Variants in TOPBP1 observed in about 807,000 individuals in gnomAD.
TOPBP1 encodes the protein DNA topoisomerase 2-binding protein 1.
In TOPBP1, 28 loss-of-function variants were observed where a neutral mutation model predicts 167.7. That is an observed-to-expected ratio of 0.17 (90% confidence interval 0.12 to 0.23). The LOEUF (loss-of-function observed/expected upper bound fraction) is 0.23, where lower values mean the gene tolerates loss of function less well. TOPBP1 is among the 10% of genes least tolerant of loss of function. The pLI is 1.00. For synonymous variants in TOPBP1, 598 were observed against 611.4 expected (o/e 0.98, Z 0.32); for missense variants, 1,554 against 1,809.6 (o/e 0.86, Z 2.56).
Position 133,649,619 on chromosome 3 carries a change from C to T in TOPBP1, c.1268G>A (p.Gly423Glu). 1 of 1,613,584 alleles carries T rather than the reference C, an allele frequency of 6.2e-7. No individual in the cohort carries two copies. Among genetic ancestry groups the T allele is most frequent in the Non-Finnish European group, 8.5e-7 (1 of 1,179,806 alleles). Residue 423 changes from glycine to glutamate, a missense_variant, in exon 10 of 28, where the codon GGA becomes GAA. Around this residue, in one of 3 missense-constraint regions of TOPBP1, gnomAD observed 1,197 missense variants for 1,351.5 expected, o/e 0.89. Transcript: ENST00000260810. ...NKSAHRPHVV[G>E]AKWLLECFSK... is the part of the protein sequence containing the mutation. Reference sequence around the variant, plus strand: ...GAAACACTCTAGCAACCACTTTGCTCCCACTACATGAGGCCTACAAAAATA... The same window carrying T: ...GAAACACTCTAGCAACCACTTTGCTTCCACTACATGAGGCCTACAAAAATA...
intron 12 of TOPBP1, 136 bp from the exon 13 acceptor site, chr3:133,640,306 T>C: frequency 1.3e-6 from 1 of 748,544 alleles, no homozygotes; most frequent in Non-Finnish European, 2.1e-6. Context: ...GTTGGTTTAC[T>C]CTATCTGAAA....
At chr3:133,639,752 T>C (rs962848667) in intron 13 of TOPBP1, among the ~76,000 whole-genome samples, 8 of 152,130 alleles carry the variant, frequency 5.3e-5, no homozygotes, top group African/African-American at 1.4e-4. Flanking sequence ...GTTAATTATA[T>C]AGTGTGTTAC....
At chr3:133,602,273 G>A (rs1934331025) in intron 27 of TOPBP1, among the ~76,000 whole-genome samples, 1 of 152,172 alleles carries the variant, frequency 6.6e-6, no homozygotes, top group African/African-American at 2.4e-5. Context: ...AAAAAAACCT[G>A]TCAATCTATA....
intron 23 of TOPBP1, among the ~76,000 whole-genome samples, chr3:133,615,696 A>T (rs1934846489): frequency 6.6e-6 from 1 of 151,502 alleles, no homozygotes; most frequent in Non-Finnish European, 1.5e-5. Flanking sequence ...TACTTTATAT[A>T]AAAAAAAACT....
At chr3:133,631,175 T>TG (rs751005407) in intron 14 of TOPBP1, among the ~76,000 whole-genome samples, 2 of 152,142 alleles carry the variant, frequency 1.3e-5, no homozygotes, top group Non-Finnish European at 2.9e-5. Context: ...AGTGATAAAG[T>TG]GAGATCCTAT....
chr3:133,628,583 G>A lies in TOPBP1; in HGVS notation c.2671C>T (p.Leu891=), dbSNP rs1264327345. The change falls in exon 15 of 28, where the codon CTG becomes TTG. Residue 891 remains leucine (L), a synonymous_variant. Transcript: ENST00000260810. ...ACCTTCTCTGACTGGGCCTCTTTCA[G>A]TTGAGGGCTGGCAGAAAGAGCGACA... is the stretch of plus-strand genomic sequence containing the variant. ...NAVALSASPQ[L]KEAQSEKEEA... is the part of the protein sequence containing the mutation. 2 of 1,611,536 alleles carry A rather than the reference G, an allele frequency of 1.2e-6. No homozygotes were observed. The highest frequency in any genetic ancestry group is 8.5e-7 in the Non-Finnish European group (1 of 1,178,848).
rs571192520 is a variant in TOPBP1 at position 133,604,426 on chromosome 3, C to T, written c.4426-3033G>A. On this transcript the variant is annotated intron_variant, in intron 27 of 27. Coordinates refer to ENST00000260810, the MANE Select transcript of TOPBP1 (RefSeq NM_007027.4). ...TGTTGAGATTACAGGCGTGTGCTAC[C>T]GTGCCCAGCCAGGAATAAACTTATT... Among the ~76,000 whole-genome samples the T allele has an allele frequency of 9.2e-5, 14 of 151,676 alleles. No homozygotes were observed. The Middle Eastern group carries it at 0.01, about 112-fold the overall frequency.
intron 14 of TOPBP1, among the ~76,000 whole-genome samples, chr3:133,629,980 G>A (rs1297624604): frequency 1.3e-5 from 2 of 151,936 alleles, no homozygotes; most frequent in Non-Finnish European, 2.9e-5. Flanking sequence ...TAGAGACAGG[G>A]TTTCACCATG....
chr3:133,652,244 A>G (rs1559831750), intron 8 of TOPBP1, among the ~76,000 whole-genome samples: 1 of 152,230 alleles, frequency 6.6e-6, no homozygotes, highest in Non-Finnish European at 1.5e-5. Context: ...TTAAAACCTG[A>G]AATGAACTTT....
At chr3:133,620,492 C>T (rs536034283) in intron 19 of TOPBP1, 145 bp from the exon 20 acceptor site, 39 of 790,214 alleles carry the variant, frequency 4.9e-5, no homozygotes, top group Admixed American at 2.1e-4. Flanking sequence ...TAGTAATGTA[C>T]TAAAACTATG....
chr3:133,653,346 A>G lies in TOPBP1; in HGVS notation c.921T>C (p.Asp307=), dbSNP rs780113738. Residue 307 remains aspartate, a splice_region_variant and synonymous_variant, in exon 7 of 28, where the codon GAT becomes GAC. Transcript: ENST00000260810. The part of the protein sequence containing the change: ...STPTSQINTI[D]SRTLSDVSNI... ...TATTTTAATCTCAATGAGACTCACTATCAATTGTGTTGATCTGGCTGGTAG... is the reference window on the plus strand; with the variant it reads ...TATTTTAATCTCAATGAGACTCACTGTCAATTGTGTTGATCTGGCTGGTAG... 16 of 1,590,496 alleles carry G rather than the reference A, an allele frequency of 1.0e-5. No homozygotes were observed. Among genetic ancestry groups the G allele is most frequent in the African/African-American group, 1.4e-5 (1 of 73,440 alleles).
Position 133,608,545 on chromosome 3 carries a change from T to C in TOPBP1, c.4415A>G (p.Tyr1472Cys). ...TAGAATCTCACAAACCTGCATGAGA[T>C]AATCAGCAATGTATTCTGTTCTCAA... ...YCLRTEYIAD[Y>C]LMQESPPHVE... is the part of the protein sequence containing the mutation. The change falls in exon 27 of 28, where the codon TAT becomes TGT. Residue 1472 changes from tyrosine (Y) to cysteine (C), a missense_variant. Around this residue, in one of 3 missense-constraint regions of TOPBP1, gnomAD observed 351 missense variants for 432.9 expected, o/e 0.81. Transcript: ENST00000260810. 9.3e-6 allele frequency: 15 copies of C among 1,613,604 alleles called. No individual in the cohort carries two copies. The highest frequency in any genetic ancestry group is 1.3e-5 in the Non-Finnish European group (15 of 1,179,664).
intron 16 of TOPBP1, among the ~76,000 whole-genome samples, chr3:133,626,319 T>C (rs1030852774): frequency 3.3e-5 from 5 of 152,062 alleles, no homozygotes; most frequent in Non-Finnish European, 5.9e-5. Context: ...TTTGTGAGGG[T>C]GATTTTGGTT....
rs1428212753 is a variant in TOPBP1, at chr3:133,601,182, TCA to T, written c.*66_*67del. The T allele has an allele frequency of 6.5e-6, 9 of 1,384,110 alleles. No individual in the cohort carries two copies. The East Asian group carries it at 7.4e-5, about 11-fold the overall frequency. The allele number at this position is 1,384,110 out of a possible 1,614,324, so 85.7% of individuals were successfully genotyped here. ...ATCTTTAAATTACTACCCAAATCTA[TCA>T]CAGTCACATTCAGGCTTTCAATTTT... On this transcript the variant is annotated 3_prime_UTR_variant, in exon 28 of 28. Transcript: ENST00000260810.
chr3:133,632,382 G>C (rs373757046), intron 14 of TOPBP1, among the ~76,000 whole-genome samples: 21 of 152,184 alleles, frequency 1.4e-4, no homozygotes, highest in African/African-American at 5.1e-4. Flanking sequence ...TTCAGCCTGG[G>C]TGACAAGAGC....
At chr3:133,622,902 T>C (rs1935139789) in intron 19 of TOPBP1, among the ~76,000 whole-genome samples, 189 bp downstream of exon 19, 1 of 152,148 alleles carries the variant, frequency 6.6e-6, no homozygotes, top group Non-Finnish European at 1.5e-5. Context: ...TCCTCTAATA[T>C]ATGCTTTGCT....
chr3:133,628,486 TAAAAG>T lies in TOPBP1; in HGVS notation c.2695-20_2695-16del, dbSNP rs1271848571. 1.2e-6 allele frequency: 2 copies of T among 1,607,392 alleles called. No homozygotes were observed. The highest frequency in any genetic ancestry group is 1.7e-6 in the Non-Finnish European group (2 of 1,176,460). ...GGGGCTTCTTCCTGTCCATGGAAAA[TAAAAG>T]AAACAGATCAGTCATTATTGTTTGA... On this transcript the variant is annotated splice_polypyrimidine_tract_variant and intron_variant, in intron 15 of 27. Transcript: ENST00000260810.
chr3:133,605,058 G>A (rs757958845), intron 27 of TOPBP1, among the ~76,000 whole-genome samples: 25 of 151,834 alleles, frequency 1.6e-4, no homozygotes, highest in Non-Finnish European at 2.8e-4. Context: ...AATTAGCTAA[G>A]ACTGGTGGCG....
intron 24 of TOPBP1, 104 bp downstream of exon 24, chr3:133,612,285 C>G: frequency 7.5e-7 from 1 of 1,328,676 alleles, no homozygotes. Context: ...GGTGATCCAC[C>G]CACCTCGGCC....
Sources: gnomAD v4.1 joint callset for allele counts (sites outside exome capture counted in the v4.1 genomes callset) on GRCh38, gnomAD v4.1.1 for gene constraint, gnomAD v4.1.1 regional missense constraint, MANE v1.5 for transcripts, NCBI Gene and HGNC (gene_info 2026-07-23, HGNC 2026-07-21) for gene names.